Variants in GPR176 observed in about 807,000 individuals in gnomAD.
GPR176 encodes G protein-coupled receptor 176.
Under a neutral mutation model 35.4 loss-of-function variants are expected in GPR176, and 26 were observed. That is an observed-to-expected ratio of 0.74 (90% CI 0.54 to 1.02). The LOEUF is 1.02. GPR176 is among the 50% of genes least tolerant of loss of function. The pLI is 0.00. For synonymous variants in GPR176, 278 were observed against 271.3 expected, an observed-to-expected ratio of 1.02 and a Z score of -0.24; for missense variants, 597 against 665.3, an observed-to-expected ratio of 0.90 and a Z score of 1.13.
intron 1 of GPR176, among the ~76,000 whole-genome samples, chr15:39,895,425 T>C (rs2033084859): frequency 6.6e-6 from 1 of 152,186 alleles, no homozygotes; most frequent in Non-Finnish European, 1.5e-5. Context: ...AAAACCAGTA[T>C]AAATACAATG....
chr15:39,807,702 A>G, intron 1 of GPR176: 1 of 641,674 alleles, frequency 1.6e-6, no homozygotes. Flanking sequence ...AGTAAAGAGA[A>G]GCAGGTGAGA....
chr15:39,809,345 C>A (rs1036554234), intron 1 of GPR176, among the ~76,000 whole-genome samples: 1 of 152,048 alleles, frequency 6.6e-6, no homozygotes, highest in African/African-American at 2.4e-5. Flanking sequence ...GCACCCATAC[C>A]CAATACCCAT....
intron 1 of GPR176, among the ~76,000 whole-genome samples, chr15:39,911,148 T>C (rs1045874325): frequency 6.6e-6 from 1 of 152,156 alleles, no homozygotes. Flanking sequence ...TTTGTTAATT[T>C]TTTTCTGTAT....
chr15:39,829,970 T>C (rs566377503), intron 1 of GPR176, among the ~76,000 whole-genome samples: 55 of 151,674 alleles, frequency 3.6e-4, no homozygotes, highest in African/African-American at 1.3e-3. Flanking sequence ...GTTATAATTA[T>C]ATAATTTAAT....
At chr15:39,913,564 G>C (rs929681986) in intron 1 of GPR176, among the ~76,000 whole-genome samples, 1 of 151,302 alleles carries the variant, frequency 6.6e-6, no homozygotes, top group Non-Finnish European at 1.5e-5. Context: ...AAAGAAAAAA[G>C]AAAGAAAGAA....
rs554998383 is a variant in GPR176, at chr15:39,892,292, C to A, written c.172+27563G>T. ...TCTATCAAAGGTAGAGCCAAGCAGA[C>A]AAACTTAAACCAAATACAGTAGGCA... On this transcript the variant is annotated intron_variant, in intron 1 of 2. Coordinates refer to ENST00000561100, the MANE Select transcript of GPR176 (RefSeq NM_007223.3). 9.2e-5 allele frequency among the ~76,000 whole-genome samples: 14 copies of A among 152,130 alleles called. 1 individual carries two copies. The highest frequency in any genetic ancestry group is 3.9e-4 in the Admixed American group (6 of 15,274).
intron 1 of GPR176, among the ~76,000 whole-genome samples, chr15:39,843,551 C>T (rs1156500507): frequency 6.6e-6 from 1 of 151,688 alleles, no homozygotes; most frequent in African/African-American, 2.4e-5. Flanking sequence ...GTTGAACATG[C>T]CAGTTGATTG....
At chr15:39,875,234 C>T (rs959508429) in intron 1 of GPR176, among the ~76,000 whole-genome samples, 5 of 152,064 alleles carry the variant, frequency 3.3e-5, no homozygotes, top group Non-Finnish European at 7.4e-5. Context: ...TTTCAAAATT[C>T]CTAAATATGG....
At chr15:39,887,870 G>A (rs1025170632) in intron 1 of GPR176, among the ~76,000 whole-genome samples, 1 of 152,176 alleles carries the variant, frequency 6.6e-6, no homozygotes, top group Non-Finnish European at 1.5e-5. Context: ...TGGAGTTGAA[G>A]GCAACTGGGA....
At chr15:39,829,481 C>G (rs970106431) in intron 1 of GPR176, among the ~76,000 whole-genome samples, 2 of 152,146 alleles carry the variant, frequency 1.3e-5, no homozygotes, top group African/African-American at 4.8e-5. Context: ...GGGGACACAT[C>G]CAGAAAGGAC....
intron 1 of GPR176, among the ~76,000 whole-genome samples, chr15:39,852,407 A>G (rs76930593): frequency 0.011 from 1,720 of 152,314 alleles, 34 homozygotes; most frequent in African/African-American, 0.04. Context: ...CAAAATGTCA[A>G]GTTCAGCACT....
At chr15:39,868,811 T>G (rs146089083) in intron 1 of GPR176, among the ~76,000 whole-genome samples, 1 of 152,102 alleles carries the variant, frequency 6.6e-6, no homozygotes, top group South Asian at 2.1e-4. Context: ...GTTGTGCCCA[T>G]ACGAAGGGGC....
chr15:39,812,824 C>T (rs778951000), intron 1 of GPR176, among the ~76,000 whole-genome samples: 107 of 151,774 alleles, frequency 7.0e-4, no homozygotes, highest in Non-Finnish European at 1.2e-3. Flanking sequence ...TGACTGCAAC[C>T]TCCGCTCCCC....
intron 1 of GPR176, among the ~76,000 whole-genome samples, chr15:39,893,949 G>T (rs1190020999): frequency 1.7e-5 from 2 of 116,856 alleles, no homozygotes; most frequent in Admixed American, 8.2e-5. Context: ...GCGGCTGGCC[G>T]GGCGGGGGGC....
chr15:39,806,325 T>A (rs974722810), intron 2 of GPR176, among the ~76,000 whole-genome samples: 1 of 152,224 alleles, frequency 6.6e-6, no homozygotes, highest in Non-Finnish European at 1.5e-5. Context: ...GAAAATATTA[T>A]CTAAACTGTA....
rs1899253699 is a variant in GPR176 at position 39,807,250 on chromosome 15, T to A, written c.181A>T (p.Met61Leu). ...IFIGSLLGNF[M>L]VLWSTCRTTV... ...GTGCGGCAAGTTGACCATAACACCA[T>A]GAAGTTTCCTGGTCAGATATGAAAG... Residue 61 changes from methionine to leucine, a missense_variant, in exon 2 of 3, where the codon ATG becomes TTG. Physicochemically the swap from Met to Leu is conservative, Grantham distance 15. Coordinates refer to ENST00000561100, the MANE Select transcript of GPR176 (RefSeq NM_007223.3). The A allele has an allele frequency of 1.9e-6, 3 of 1,549,068 alleles. No individual in the cohort carries two copies. Among genetic ancestry groups the A allele is most frequent in the Non-Finnish European group, 2.6e-6 (3 of 1,146,476 alleles).
At chr15:39,846,138 C>T (rs1168474669) in intron 1 of GPR176, among the ~76,000 whole-genome samples, 1 of 152,066 alleles carries the variant, frequency 6.6e-6, no homozygotes, top group East Asian at 1.9e-4. Flanking sequence ...CCTATTTGTC[C>T]CACTAAGGTA....
chr15:39,807,605 T>A (rs1899283114), intron 1 of GPR176: 5 of 1,257,330 alleles, frequency 4.0e-6, no homozygotes, highest in African/African-American at 1.5e-5. Flanking sequence ...AGTTTTCTAG[T>A]GACCTCCATG....
intron 1 of GPR176, among the ~76,000 whole-genome samples, chr15:39,851,471 C>T (rs764072686): frequency 2.0e-5 from 3 of 152,138 alleles, no homozygotes; most frequent in African/African-American, 7.2e-5. Flanking sequence ...CTGATGTTCT[C>T]ATGTAGGTGT....
Sources: gnomAD v4.1 joint callset for allele counts (sites outside exome capture counted in the v4.1 genomes callset) on GRCh38, gnomAD v4.1.1 for gene constraint, MANE v1.5 for transcripts, NCBI Gene and HGNC (gene_info 2026-07-23, HGNC 2026-07-21) for gene names.